Variants in GABRE observed in about 807,000 individuals in gnomAD.
GABRE encodes gamma-aminobutyric acid type A receptor subunit epsilon.
GABRE carries 20 observed loss-of-function variants against 31.0 expected under a neutral mutation model. The observed-to-expected ratio is 0.64, with a 90% CI of 0.45 to 0.94. The LOEUF is 0.94. GABRE is among the 40% of genes least tolerant of loss of function. GABRE has a pLI of 0.00. For synonymous variants in GABRE, 155 were observed against 150.6 expected (o/e 1.03, Z -0.21); for missense variants, 420 against 410.7 (o/e 1.02, Z -0.20).
intron 7 of GABRE, 33 bp downstream of exon 7, chrX:151,955,675 T>C (rs756914368): frequency 2.1e-5 from 25 of 1,207,597 alleles, no homozygotes; most frequent in African/African-American, 3.5e-5. Context: ...CTCCCAGCCA[T>C]GTGCCTATGC....
chrX:151,969,660 A>G lies in GABRE; in HGVS notation c.342+9T>C. 8.3e-7 allele frequency: 1 copy of G among 1,206,232 alleles called. No homozygotes were observed. The highest frequency in any genetic ancestry group is 1.1e-6 in the Non-Finnish European group (1 of 892,796). On this transcript the variant is annotated intron_variant, in intron 3 of 8. Coordinates refer to ENST00000370328, the MANE Select transcript of GABRE (RefSeq NM_004961.4). ...CTAGGAAATAGTACTAAAAAAGCTT[A>G]GTACTCACCATGTCTAGGATAGAGA...
intron 3 of GABRE, among the ~76,000 whole-genome samples, chrX:151,963,820 T>G (rs1053452135): frequency 2.7e-5 from 3 of 112,538 alleles, no homozygotes; most frequent in Non-Finnish European, 5.6e-5. Context: ...TTCAGGTTTG[T>G]GTGTCACCAC....
chrX:151,969,477 T>G (rs1934620089), intron 3 of GABRE, 192 bp downstream of exon 3: 1 of 340,110 alleles, frequency 2.9e-6, no homozygotes, highest in Non-Finnish European at 5.1e-6. Flanking sequence ...CTGAAGATCC[T>G]CTTCAAGTAG....
At chrX:151,958,613 A>C in intron 6 of GABRE, 1 of 380,893 alleles carries the variant, frequency 2.6e-6, no homozygotes, top group South Asian at 2.4e-5. Context: ...TTTTGAAACA[A>C]TGCACAATCA....
intron 1 of GABRE, among the ~76,000 whole-genome samples, chrX:151,970,744 C>A (rs1173360855): frequency 8.9e-6 from 1 of 112,376 alleles, no homozygotes; most frequent in Admixed American, 9.4e-5. Context: ...TAGCCTTGGC[C>A]TCTAGTCAGC....
chrX:151,959,117 T>G (rs947189729), intron 6 of GABRE: 1 of 317,276 alleles, frequency 3.2e-6, no homozygotes, highest in African/African-American at 2.7e-5. Flanking sequence ...GGAGCTACCC[T>G]GGGGAGGTCC....
At chrX:151,960,108 C>A in intron 5 of GABRE, 132 bp from the exon 6 acceptor site, 2 of 557,827 alleles carry the variant, frequency 3.6e-6, no homozygotes, top group East Asian at 3.4e-5. Flanking sequence ...GACCTTGCCT[C>A]TCTTACCTCA....
chrX:151,961,916 G>T (rs767452898), intron 4 of GABRE, among the ~76,000 whole-genome samples: 3 of 112,096 alleles, frequency 2.7e-5, no homozygotes, highest in African/African-American at 9.7e-5. Context: ...GAGCAACTTC[G>T]ATCGGCTTTT....
intron 3 of GABRE, among the ~76,000 whole-genome samples, chrX:151,962,869 T>C (rs984822557): frequency 1.8e-5 from 2 of 111,540 alleles, no homozygotes; most frequent in Non-Finnish European, 3.8e-5. Flanking sequence ...CCAAGCCTAA[T>C]GATCCCAAAT....
chrX:151,963,739 A>G (rs1934450285), intron 3 of GABRE, among the ~76,000 whole-genome samples: 1 of 112,489 alleles, frequency 8.9e-6, no homozygotes, highest in African/African-American at 3.2e-5. Context: ...GGGATAGGTG[A>G]GATTTGGTGA....
At chrX:151,962,687 A>G (rs1225057767) in intron 3 of GABRE, 44 bp from the exon 4 acceptor site, 1 of 1,043,153 alleles carries the variant, frequency 9.6e-7, no homozygotes, top group African/African-American at 1.9e-5. Flanking sequence ...GATGAACAGA[A>G]AAAGGACATT....
intron 3 of GABRE, among the ~76,000 whole-genome samples, chrX:151,963,526 AGT>A: frequency 8.9e-6 from 1 of 112,431 alleles, no homozygotes; most frequent in East Asian, 2.8e-4. Flanking sequence ...ACTTTGGGAA[AGT>A]GTTGCCCAAC....
intron 1 of GABRE, chrX:151,970,663 C>A: frequency 2.8e-6 from 1 of 352,583 alleles, no homozygotes; most frequent in Non-Finnish European, 4.9e-6. Context: ...AAAACCAAGA[C>A]CTAGATTTTA....
In GABRE at chrX:151,970,188, C is replaced by T; in HGVS notation, c.271G>A (p.Gly91Arg). The T allele has an allele frequency of 8.3e-7, 1 of 1,211,584 alleles. No individual in the cohort carries two copies. Among genetic ancestry groups the T allele is most frequent in the South Asian group, 1.8e-5 (1 of 56,932 alleles). Residue 91 changes from glycine to arginine, a missense_variant, in exon 2 of 9, where the codon GGA becomes AGA. By Grantham distance (125) the Gly-to-Arg change is moderately radical. Coordinates refer to ENST00000370328, the MANE Select transcript of GABRE (RefSeq NM_004961.4). ...NYDHKLRPGI[G>R]EKPTVVTVEI... is the part of the protein sequence containing the mutation. Reference sequence around the variant, plus strand: ...AGAACGTCGTTCTGCTCCTCACCTCCAATGCCAGGGCGCAGTTTGTGGTCA... The same window carrying T: ...AGAACGTCGTTCTGCTCCTCACCTCTAATGCCAGGGCGCAGTTTGTGGTCA...
chrX:151,973,414 T>C (rs945309851), intron 1 of GABRE, among the ~76,000 whole-genome samples: 14 of 111,009 alleles, frequency 1.3e-4, no homozygotes, highest in Non-Finnish European at 2.5e-4. Flanking sequence ...CTAGCACGCA[T>C]AGAAAGACAT....
intron 6 of GABRE, 200 bp downstream of exon 6, chrX:151,959,639 A>G (rs899383242): frequency 1.8e-6 from 1 of 540,811 alleles, no homozygotes; most frequent in Admixed American, 2.3e-5. Flanking sequence ...CAAAGCACTT[A>G]CTTCTTTGCA....
At chrX:151,963,215 C>T (rs780722719) in intron 3 of GABRE, among the ~76,000 whole-genome samples, 4 of 112,099 alleles carry the variant, frequency 3.6e-5, no homozygotes, top group South Asian at 3.7e-4. Context: ...AAATTGGTTA[C>T]GATCTTAAAT....
In GABRE at chrX:151,966,623, G is replaced by A. The variant is rs143032421; in HGVS notation, c.342+3046C>T. On this transcript the variant is annotated intron_variant, in intron 3 of 8. Transcript: ENST00000370328. ...AATGTACTGGGTACTGGTATGTTCT[G>A]TGACTATGTGGCAGAGACGTGTGTC... 6.2e-4 allele frequency among the ~76,000 whole-genome samples: 69 copies of A among 112,153 alleles called. 1 individual carries two copies. The East Asian group carries it at 0.018, about 29-fold the overall frequency.
chrX:151,970,528 T>C lies in GABRE; in HGVS notation c.57-126A>G, dbSNP rs1394785077. On this transcript the variant is annotated intron_variant, in intron 1 of 8. Coordinates refer to ENST00000370328, the MANE Select transcript of GABRE (RefSeq NM_004961.4). ...CAAAACCTAGTTAAATTGTGACTGG[T>C]AATAGCAAATTATAAGACAGTGACA... 12 of 753,254 alleles carry C rather than the reference T, an allele frequency of 1.6e-5. No individual in the cohort carries two copies. In the Admixed American group the frequency reaches 4.7e-4, roughly 30 times the overall value. 62.1% of individuals were successfully genotyped at this position (753,254 alleles called of 1,213,427 possible). A position where few individuals can be genotyped will look rare whatever the true frequency, so the allele number is the denominator to read the frequency against.
Sources: allele counts gnomAD v4.1 joint callset (sites outside exome capture counted in the v4.1 genomes callset), GRCh38; gene constraint gnomAD v4.1.1; transcripts MANE v1.5; gene names NCBI Gene and HGNC (gene_info 2026-07-23, HGNC 2026-07-21).